Variants in LRIG1 observed in about 807,000 individuals in gnomAD.
The protein encoded by LRIG1 is leucine-rich repeats and immunoglobulin-like domains protein 1.
A neutral mutation model predicts 99.2 loss-of-function variants in LRIG1; 48 were observed. That is an observed-to-expected ratio of 0.48 (90% CI 0.38 to 0.62). The LOEUF (loss-of-function observed/expected upper bound fraction) is 0.62. Ranked by LOEUF, LRIG1 falls within the 20% of genes least tolerant of loss-of-function variation. The pLI, the probability that LRIG1 is intolerant of heterozygous loss-of-function variation, is 0.00. For missense variants in LRIG1, 1,646 were observed against 1,434.4 expected, an observed-to-expected ratio of 1.15 and a Z score of -2.38; for synonymous variants, 772 against 596.1, an observed-to-expected ratio of 1.29 and a Z score of -4.30.
intron 3 of LRIG1, among the ~76,000 whole-genome samples, chr3:66,421,261 G>C (rs913774606): frequency 1.3e-5 from 2 of 152,120 alleles, no homozygotes; most frequent in African/African-American, 4.8e-5. Flanking sequence ...GTCCCCCAAA[G>C]TCTTAACTCA....
At chr3:66,497,064 T>C (rs748941684) in intron 1 of LRIG1, among the ~76,000 whole-genome samples, 6 of 152,244 alleles carry the variant, frequency 3.9e-5, no homozygotes, top group African/African-American at 9.6e-5. Context: ...AATAAACTCA[T>C]CTTAATGTGG....
chr3:66,491,094 A>T (rs1701091357), intron 1 of LRIG1, among the ~76,000 whole-genome samples: 1 of 151,958 alleles, frequency 6.6e-6, no homozygotes, highest in Admixed American at 6.5e-5. Flanking sequence ...GGTTCCAGGA[A>T]CCTAGTTCTT....
At chr3:66,449,711 T>A (rs927478682) in intron 3 of LRIG1, among the ~76,000 whole-genome samples, 128 of 152,202 alleles carry the variant, frequency 8.4e-4, no homozygotes, top group Non-Finnish European at 6.8e-4. Flanking sequence ...GTGTCTGGTC[T>A]CAGTTCCACC....
chr3:66,427,712 A>C (rs1703029020), intron 3 of LRIG1, among the ~76,000 whole-genome samples: 1 of 152,230 alleles, frequency 6.6e-6, no homozygotes, highest in South Asian at 2.1e-4. Flanking sequence ...TTTGTTTGTA[A>C]ACATTTTTAT....
At chr3:66,491,541 T>C (rs1243490092) in intron 1 of LRIG1, among the ~76,000 whole-genome samples, 3 of 152,122 alleles carry the variant, frequency 2.0e-5, no homozygotes, top group Non-Finnish European at 2.9e-5. Context: ...ATTCTGTAAA[T>C]ATATAGCTTA....
intron 3 of LRIG1, among the ~76,000 whole-genome samples, chr3:66,422,148 G>A (rs753838571): frequency 5.9e-5 from 9 of 152,164 alleles, no homozygotes; most frequent in Non-Finnish European, 1.2e-4. Context: ...AGGGGCTGCC[G>A]CAAACATCTC....
At chr3:66,388,136 T>C (rs1251586481) in intron 12 of LRIG1, 11 of 108,452 alleles carry the variant, frequency 1.0e-4, no homozygotes, top group Admixed American at 5.5e-4. Context: ...AAAAAAAGGA[T>C]AAAGTATGAG....
chr3:66,434,144 A>T (rs528747727), intron 3 of LRIG1, among the ~76,000 whole-genome samples: 11 of 152,254 alleles, frequency 7.2e-5, no homozygotes, highest in African/African-American at 2.4e-4. Flanking sequence ...TAAGATGAAA[A>T]GACAAGCTAC....
At chr3:66,404,216 AT>A (rs1226598153) in intron 9 of LRIG1, 1 of 1,285,206 alleles carries the variant, frequency 7.8e-7, no homozygotes, top group Admixed American at 2.3e-5. Context: ...CATCTACTAT[AT>A]AAAAAGACTC....
intron 3 of LRIG1, among the ~76,000 whole-genome samples, chr3:66,444,918 CAT>C (rs1326433867): frequency 6.6e-6 from 1 of 150,978 alleles, no homozygotes; most frequent in Admixed American, 6.6e-5. Flanking sequence ...TATCTATATA[CAT>C]ATATATACAT....
rs751682378 is a variant in LRIG1 at position 66,380,857 on chromosome 3, G to A, written c.2775C>T (p.His925=). The A allele has an allele frequency of 3.3e-5, 53 of 1,613,478 alleles. No individual in the cohort carries two copies. Among genetic ancestry groups the A allele is most frequent in the South Asian group, 8.8e-5 (8 of 91,074 alleles). The change falls in exon 18 of 19, where the codon CAC becomes CAT. Residue 925 remains histidine, a synonymous_variant. Transcript: ENST00000273261. ...EGTPGPHKME[H]GGRVVCSDCN... is the part of the protein sequence containing the mutation. ...AGTCACTGCATACGACCCGGCCACC[G>A]TGTTCTGAAGGACAGCGCCAAAGAT...
At chr3:66,410,433 G>T (rs540557755) in intron 6 of LRIG1, among the ~76,000 whole-genome samples, 161 bp from the exon 7 acceptor site, 2 of 152,264 alleles carry the variant, frequency 1.3e-5, no homozygotes, top group African/African-American at 4.8e-5. Flanking sequence ...GTGCATGTGA[G>T]TAGGGGCTGG....
At chr3:66,498,654 T>C (rs2106945468) in intron 1 of LRIG1, among the ~76,000 whole-genome samples, 1 of 151,578 alleles carries the variant, frequency 6.6e-6, no homozygotes, top group Admixed American at 6.5e-5. Context: ...TACTGGGCTC[T>C]ATCTCCCAGT....
At chr3:66,467,736 T>C (rs1002168119) in intron 1 of LRIG1, among the ~76,000 whole-genome samples, 1 of 152,126 alleles carries the variant, frequency 6.6e-6, no homozygotes, top group African/African-American at 2.4e-5. Flanking sequence ...CAGACAGAGG[T>C]TATTTCTATC....
At chr3:66,491,843 T>A (rs1413757759) in intron 1 of LRIG1, among the ~76,000 whole-genome samples, 2 of 152,212 alleles carry the variant, frequency 1.3e-5, no homozygotes, top group Admixed American at 6.5e-5. Context: ...GTTCATTACA[T>A]TATTCTGTCC....
rs770391505 is a variant in LRIG1 at position 66,500,239 on chromosome 3, G to A, written c.169C>T (p.Arg57Cys). The change falls in exon 1 of 19, where the codon CGC becomes TGC. Residue 57 changes from arginine (R) to cysteine (C), a missense_variant. Arg to Cys is a radical substitution (Grantham distance 180). Transcript: ENST00000273261. ...TCCCCGGGCAACGCAGCCAGCCCGC[G>A]CCCACCGCAGTCCAGCGAGTCCCCA... ...CAGDSLDCGG[R>C]GLAALPGDLP... 3 of 1,510,740 alleles carry A rather than the reference G, an allele frequency of 2.0e-6. No individual in the cohort carries two copies. Among genetic ancestry groups the A allele is most frequent in the East Asian group, 5.4e-5 (2 of 37,174 alleles). The allele number at this position is 1,510,740 out of a possible 1,614,324, so 93.6% of individuals were successfully genotyped here. A position where few individuals can be genotyped will look rare whatever the true frequency, so the allele number is the denominator to read the frequency against.
At chr3:66,410,960 C>T (rs772444959) in intron 6 of LRIG1, among the ~76,000 whole-genome samples, 10 of 152,200 alleles carry the variant, frequency 6.6e-5, no homozygotes, top group African/African-American at 1.2e-4. Flanking sequence ...TTAGCTCTGG[C>T]GTCAGACTAC....
At chr3:66,477,943 G>T (rs1164858371) in intron 1 of LRIG1, among the ~76,000 whole-genome samples, 7 of 152,146 alleles carry the variant, frequency 4.6e-5, no homozygotes, top group Admixed American at 2.0e-4. Flanking sequence ...ATTAAACCTT[G>T]GGGGTATGAG....
chr3:66,402,808 G>A (rs576118747), intron 9 of LRIG1, among the ~76,000 whole-genome samples: 2 of 152,298 alleles, frequency 1.3e-5, no homozygotes, highest in African/African-American at 2.4e-5. Context: ...CACTCCCACA[G>A]AGCAACACAG....
Sources: allele counts gnomAD v4.1 joint callset (sites outside exome capture counted in the v4.1 genomes callset), GRCh38; gene constraint gnomAD v4.1.1; transcripts MANE v1.5; gene names NCBI Gene and HGNC (gene_info 2026-07-23, HGNC 2026-07-21).